C16orf89: variants seen among roughly 807,000 people sequenced by gnomAD.
C16orf89 encodes the protein UPF0764 protein C16orf89.
In C16orf89, 57 loss-of-function variants were observed where a neutral mutation model predicts 41.5. The ratio of observed to expected loss-of-function variants is 1.38; its 90% CI spans 1.11 to 1.71. C16orf89 has a LOEUF of 1.71. C16orf89 is among the 40% of genes most tolerant of loss of function. The pLI is 0.00. For synonymous variants in C16orf89, 223 were observed against 190.6 expected, an observed-to-expected ratio of 1.17 and a Z score of -1.40; for missense variants, 575 against 445.9, an observed-to-expected ratio of 1.29 and a Z score of -2.61.
At chr16:5,052,767 C>T (rs1375600548) in intron 6 of C16orf89, among the ~76,000 whole-genome samples, 2 of 152,010 alleles carry the variant, frequency 1.3e-5, no homozygotes, top group African/African-American at 4.8e-5. Context: ...TCCAGCAATC[C>T]CACTACTGGA....
chr16:5,052,295 A>C (rs560871332), intron 6 of C16orf89, among the ~76,000 whole-genome samples: 33 of 151,934 alleles, frequency 2.2e-4, no homozygotes, highest in Non-Finnish European at 3.7e-4. Flanking sequence ...TACTATCAAA[A>C]AGACAAAAAA....
At chr16:5,044,877 C>T (rs1455846825) in intron 7 of C16orf89, 4 of 1,255,782 alleles carry the variant, frequency 3.2e-6, no homozygotes, top group Non-Finnish European at 4.1e-6. Context: ...GATGTCATTC[C>T]AGGCAACTTG....
intron 6 of C16orf89, among the ~76,000 whole-genome samples, 165 bp from the exon 7 acceptor site, chr16:5,048,129 A>G (rs1307961629): frequency 6.6e-6 from 1 of 152,182 alleles, no homozygotes; most frequent in Non-Finnish European, 1.5e-5. Context: ...CCAAGCTCAC[A>G]GAATCCTTCC....
chr16:5,052,749 T>A (rs1956421200), intron 6 of C16orf89, among the ~76,000 whole-genome samples: 1 of 152,102 alleles, frequency 6.6e-6, no homozygotes, highest in Admixed American at 6.6e-5. Flanking sequence ...AATAGGACTA[T>A]CATATGATCC....
rs1423951409 is a variant in C16orf89 at position 5,056,067 on chromosome 16, A to G, written c.749T>C (p.Ile250Thr). ...GCTGGCCATACTGTTTTCCATGAAG[A>G]TGTCCCGGGTAGGGTAGGCGTATCC... ...AIGYAYPTRD[I>T]FMENIMFCGM... Residue 250 changes from isoleucine (I) to threonine (T), a missense_variant, in exon 5 of 8, where the codon ATC (isoleucine) becomes ACC (threonine). Physicochemically the swap from Ile to Thr is moderately conservative, Grantham distance 89. Coordinates refer to ENST00000472572, the MANE Select transcript of C16orf89 (RefSeq NM_001098514.3). 1.3e-6 allele frequency: 2 copies of G among 1,593,856 alleles called. No individual in the cohort carries two copies. The highest frequency in any genetic ancestry group is 2.7e-5 in the African/African-American group (2 of 74,186).
At chr16:5,064,650 C>G (rs773848290) in intron 1 of C16orf89, among the ~76,000 whole-genome samples, 2 of 152,186 alleles carry the variant, frequency 1.3e-5, no homozygotes, top group Non-Finnish European at 2.9e-5. Context: ...GGGCACAGTT[C>G]ACGGGTGTGG....
chr16:5,058,449 C>CCTTCCA (rs755841170), intron 4 of C16orf89, 44 bp downstream of exon 4: 3 of 1,517,398 alleles, frequency 2.0e-6, no homozygotes, highest in Middle Eastern at 4.3e-4. Flanking sequence ...TTTCCTTTTT[C>CCTTCCA]CTTCCCCTTC....
At chr16:5,063,887 G>A (rs1388104616) in intron 1 of C16orf89, among the ~76,000 whole-genome samples, 4 of 152,296 alleles carry the variant, frequency 2.6e-5, no homozygotes, top group East Asian at 3.9e-4. Context: ...AGCACTTTGC[G>A]AGGCCGAGGC....
chr16:5,053,053 C>T (rs185296236), intron 6 of C16orf89, among the ~76,000 whole-genome samples: 4 of 152,230 alleles, frequency 2.6e-5, no homozygotes, highest in South Asian at 4.1e-4. Flanking sequence ...TGTCCTTCCT[C>T]GTATGTGGAA....
Position 5,047,822 on chromosome 16 carries a change from T to A in C16orf89, c.955+56A>T, listed in dbSNP as rs1277981861. 3.9e-6 allele frequency: 4 copies of A among 1,015,932 alleles called. No homozygotes were observed. The East Asian group carries it at 9.7e-5, about 25-fold the overall frequency. 62.9% of individuals were successfully genotyped at this position (1,015,932 alleles called of 1,614,324 possible). On this transcript the variant is annotated intron_variant, in intron 7 of 7. Coordinates refer to ENST00000472572, the MANE Select transcript of C16orf89 (RefSeq NM_001098514.3). ...AGCAGAGAATAAACACAGGCCTCTG[T>A]TTTGCTAGGATATCTTAGTTTCATG...
At chr16:5,055,425 G>A (rs1381861739) in intron 5 of C16orf89, 75 bp from the exon 6 acceptor site, 20 of 1,334,454 alleles carry the variant, frequency 1.5e-5, no homozygotes, top group African/African-American at 5.8e-5. Flanking sequence ...GGGCTGCCAC[G>A]GTGCCACCTG....
At chr16:5,044,889 A>G in intron 7 of C16orf89, 1 of 1,253,084 alleles carries the variant, frequency 8.0e-7, no homozygotes, top group Non-Finnish European at 1.0e-6. Context: ...GGCAACTTGC[A>G]AGACGCTGAG....
At chr16:5,044,617 G>A (rs773808493) in intron 7 of C16orf89, 139 bp from the exon 8 acceptor site, 24 of 1,466,610 alleles carry the variant, frequency 1.6e-5, no homozygotes, top group South Asian at 1.5e-4. Flanking sequence ...TGAGGTGGGC[G>A]GATCTCTTGA....
intron 5 of C16orf89, 60 bp downstream of exon 5, chr16:5,055,992 TG>T: frequency 1.1e-6 from 1 of 920,802 alleles, no homozygotes. Flanking sequence ...TGTGTGTGTG[TG>T]TGTGTGTTGG....
intron 2 of C16orf89, among the ~76,000 whole-genome samples, chr16:5,061,484 CAAAAAAA>C (rs757755365): frequency 5.9e-4 from 3 of 5,128 alleles, no homozygotes; most frequent in Non-Finnish European, 9.8e-4. Context: ...GACACTGTCT[CAAAAAAA>C]AAAAAAAAAA....
chr16:5,064,960 C>T (rs1956705331), intron 1 of C16orf89, among the ~76,000 whole-genome samples: 1 of 152,178 alleles, frequency 6.6e-6, no homozygotes, highest in Non-Finnish European at 1.5e-5. Flanking sequence ...CTGGGTTGTG[C>T]CCACATTGAG....
chr16:5,061,830 T>C (rs1956633395), intron 2 of C16orf89, among the ~76,000 whole-genome samples: 2 of 152,054 alleles, frequency 1.3e-5, no homozygotes, highest in Non-Finnish European at 2.9e-5. Context: ...AGCAGCATGA[T>C]GGACTGGTTA....
chr16:5,060,948 T>C (rs920105862), intron 2 of C16orf89, among the ~76,000 whole-genome samples: 26 of 145,412 alleles, frequency 1.8e-4, no homozygotes, highest in African/African-American at 5.6e-4. Context: ...GATCAGCCTT[T>C]TTTTTTTTTT....
Position 5,044,282 on chromosome 16 carries a change from G to T in C16orf89, c.*66C>A. The T allele has an allele frequency of 1.3e-6, 2 of 1,505,108 alleles. No homozygotes were observed. Among genetic ancestry groups the T allele is most frequent in the Non-Finnish European group, 8.9e-7 (1 of 1,129,196 alleles). 93.2% of individuals were successfully genotyped at this position (1,505,108 alleles called of 1,614,324 possible). ...CCAGGATGTGATCCGTGCCCTCCAG[G>T]ATCTAAGGGATGAGGACTAAAGGGG... On this transcript the variant is annotated 3_prime_UTR_variant, in exon 8 of 8. Coordinates refer to ENST00000472572, the MANE Select transcript of C16orf89 (RefSeq NM_001098514.3).
Sources: allele counts gnomAD v4.1 joint callset (sites outside exome capture counted in the v4.1 genomes callset), GRCh38; gene constraint gnomAD v4.1.1; transcripts MANE v1.5; gene names NCBI Gene and HGNC (gene_info 2026-07-23, HGNC 2026-07-21).